MEGF10: variants seen among roughly 807,000 people sequenced by gnomAD.
The protein encoded by MEGF10 is multiple EGF like domains 10.
A neutral mutation model predicts 147.5 loss-of-function variants in MEGF10; 86 were observed. The ratio of observed to expected loss-of-function variants is 0.58; its 90% CI spans 0.49 to 0.70. The LOEUF (loss-of-function observed/expected upper bound fraction) is 0.70, where lower values mean the gene tolerates loss of function less well. MEGF10 is among the 30% of genes least tolerant of loss of function. MEGF10 has a pLI of 0.00. For missense variants in MEGF10, 1,329 were observed against 1,487.3 expected, an observed-to-expected ratio of 0.89 and a Z score of 1.75; for synonymous variants, 478 against 525.5, an observed-to-expected ratio of 0.91 and a Z score of 1.24.
intron 4 of MEGF10, among the ~76,000 whole-genome samples, chr5:127,367,098 G>A (rs141928408): frequency 6.6e-6 from 1 of 152,112 alleles, no homozygotes; most frequent in Non-Finnish European, 1.5e-5. Flanking sequence ...TGTCATCCTG[G>A]AGTTAAGAGT....
chr5:127,266,818 T>G, the MEGF10 span, among the ~76,000 whole-genome samples: 1 of 152,246 alleles, frequency 6.6e-6, no homozygotes, highest in African/African-American at 2.4e-5. Flanking sequence ...AAGGAGATTT[T>G]GGGCTGAGAC....
At chr5:127,444,832 G>C (rs943366013) in intron 19 of MEGF10, 1 of 152,724 alleles carries the variant, frequency 6.5e-6, no homozygotes, top group African/African-American at 2.4e-5. Context: ...CCTGTTCTTA[G>C]ACTAGATTTA....
At chr5:127,263,770 C>T in the MEGF10 span, among the ~76,000 whole-genome samples, 7 of 151,846 alleles carry the variant, frequency 4.6e-5, no homozygotes, top group Admixed American at 1.3e-4. Context: ...ATATTCTGTT[C>T]GATTACCAAG....
intron 9 of MEGF10, among the ~76,000 whole-genome samples, chr5:127,416,270 C>T (rs183645668): frequency 0.018 from 2,803 of 151,846 alleles, 56 homozygotes; most frequent in South Asian, 0.079. Flanking sequence ...CCTCGTGATC[C>T]GCCCGCCTCA....
chr5:127,439,353 G>A (rs1207822027), intron 17 of MEGF10, among the ~76,000 whole-genome samples: 1 of 152,170 alleles, frequency 6.6e-6, no homozygotes, highest in African/African-American at 2.4e-5. Context: ...ACTAATAATA[G>A]CGTATATTTT....
Position 127,398,714 on chromosome 5 carries a change from A to G in MEGF10, c.698A>G (p.Gln233Arg), listed in dbSNP as rs2126926551. 1 of 1,614,126 alleles carries G rather than the reference A, an allele frequency of 6.2e-7. No individual in the cohort carries two copies. The highest frequency in any genetic ancestry group is 1.1e-5 in the South Asian group (1 of 91,082). ...TGTCCTCCTGGTAAACATGGTCCAC[A>G]GTGTGAGCAGAGATGCCCTTGTCAA... is the stretch of plus-strand genomic sequence containing the variant. ...DLCPPGKHGP[Q>R]CEQRCPCQNG... The change falls in exon 7 of 25, where the codon CAG becomes CGG. Residue 233 changes from glutamine (Q) to arginine (R), a missense_variant. By Grantham distance (43) the Gln-to-Arg change is conservative. Around this residue, in one of 3 missense-constraint regions of MEGF10, gnomAD observed 980 missense variants for 1,085.9 expected, o/e 0.90. Coordinates refer to ENST00000503335, the MANE Select transcript of MEGF10 (RefSeq NM_001256545.2).
the MEGF10 span, among the ~76,000 whole-genome samples, chr5:127,269,820 G>T: frequency 6.6e-6 from 1 of 152,146 alleles, no homozygotes; most frequent in South Asian, 2.1e-4. Flanking sequence ...AAAATGTTAA[G>T]GGCAGCCAGA....
At chr5:127,324,880 T>C (rs151226143) in intron 1 of MEGF10, among the ~76,000 whole-genome samples, 1 of 152,324 alleles carries the variant, frequency 6.6e-6, no homozygotes, top group African/African-American at 2.4e-5. Context: ...GCTCTTATCT[T>C]TCTCTTTGCC....
chr5:127,437,666 C>A (rs764246179), intron 16 of MEGF10, among the ~76,000 whole-genome samples: 7 of 152,224 alleles, frequency 4.6e-5, no homozygotes, highest in Non-Finnish European at 7.3e-5. Context: ...GATGTCTCTT[C>A]AATCGGCAGT....
the MEGF10 span, among the ~76,000 whole-genome samples, chr5:127,239,706 C>T: frequency 8.8e-4 from 133 of 151,836 alleles, no homozygotes; most frequent in East Asian, 9.3e-3. Flanking sequence ...TTGTTGTTGG[C>T]GCTTAGGGTT....
At chr5:127,320,981 G>C (rs2126761818) in intron 1 of MEGF10, among the ~76,000 whole-genome samples, 1 of 152,310 alleles carries the variant, frequency 6.6e-6, no homozygotes, top group African/African-American at 2.4e-5. Context: ...TTTTGACCAG[G>C]AAGTAGCTTA....
the MEGF10 span, among the ~76,000 whole-genome samples, chr5:127,268,903 G>A: frequency 2.0e-5 from 3 of 152,326 alleles, no homozygotes; most frequent in Admixed American, 6.5e-5. Flanking sequence ...CCAGAGGAAC[G>A]ATCAGGCAGC....
At chr5:127,386,980 C>G (rs144352138) in intron 5 of MEGF10, among the ~76,000 whole-genome samples, 1 of 152,164 alleles carries the variant, frequency 6.6e-6, no homozygotes, top group Middle Eastern at 3.2e-3. Context: ...GGTTCTGTAG[C>G]GATGAATTGG....
At chr5:127,366,903 A>G (rs976630240) in intron 4 of MEGF10, among the ~76,000 whole-genome samples, 1 of 152,190 alleles carries the variant, frequency 6.6e-6, no homozygotes, top group African/African-American at 2.4e-5. Flanking sequence ...AAAAGCAACA[A>G]AAAACCAATG....
At chr5:127,366,793 A>G (rs149399118) in intron 4 of MEGF10, among the ~76,000 whole-genome samples, 1 of 152,220 alleles carries the variant, frequency 6.6e-6, no homozygotes, top group East Asian at 1.9e-4. Flanking sequence ...GCATGAGAAC[A>G]TTGTGTGATT....
At chr5:127,318,893 G>A (rs1391027089) in intron 1 of MEGF10, among the ~76,000 whole-genome samples, 1 of 152,094 alleles carries the variant, frequency 6.6e-6, no homozygotes, top group Non-Finnish European at 1.5e-5. Context: ...TTGCCTAATG[G>A]TATATAAAAA....
chr5:127,367,362 G>A (rs1230770938), intron 4 of MEGF10, among the ~76,000 whole-genome samples: 1 of 152,134 alleles, frequency 6.6e-6, no homozygotes, highest in Admixed American at 6.5e-5. Context: ...ATGGAATCCA[G>A]CTTTTTGAGT....
the MEGF10 span, among the ~76,000 whole-genome samples, chr5:127,247,395 GAAGAAGAAGAA>G: frequency 2.4e-5 from 1 of 41,872 alleles, no homozygotes; most frequent in African/African-American, 1.1e-4. Context: ...AGAAGAAGAA[GAAGAAGAAGAA>G]GAAGAAGAAG....
intron 20 of MEGF10, 134 bp downstream of exon 20, chr5:127,445,827 A>G: frequency 1.4e-6 from 1 of 717,274 alleles, no homozygotes; most frequent in Non-Finnish European, 2.5e-6. Flanking sequence ...ATGTTTGGAA[A>G]AGGTATACAT....
Sources: gnomAD v4.1 joint callset for allele counts (sites outside exome capture counted in the v4.1 genomes callset) on GRCh38, gnomAD v4.1.1 for gene constraint, gnomAD v4.1.1 regional missense constraint, MANE v1.5 for transcripts, NCBI Gene and HGNC (gene_info 2026-07-23, HGNC 2026-07-21) for gene names.